Variants in THSD7A observed in about 807,000 individuals in gnomAD.
THSD7A encodes the protein thrombospondin type-1 domain-containing protein 7A.
In THSD7A, 96 loss-of-function variants were observed where a neutral mutation model predicts 231.3. The ratio of observed to expected loss-of-function variants is 0.41; its 90% CI spans 0.35 to 0.49. THSD7A has a LOEUF of 0.49. Ranked by LOEUF, THSD7A falls within the 20% of genes least tolerant of loss-of-function variation. The pLI is 0.05. For missense variants in THSD7A, 2,290 were observed against 2,070.2 expected (o/e 1.11, Z -2.06); for synonymous variants, 940 against 743.3 (o/e 1.26, Z -4.30).
At chr7:11,727,248 T>C (rs1781579855) in intron 1 of THSD7A, among the ~76,000 whole-genome samples, 1 of 151,966 alleles carries the variant, frequency 6.6e-6, no homozygotes, top group African/African-American at 2.4e-5. Flanking sequence ...ATTTTGACTC[T>C]CTTAAACCTC....
Position 11,375,486 on chromosome 7 carries a change from C to A in THSD7A, c.*308G>T. 1 of 214,434 alleles carries A rather than the reference C, an allele frequency of 4.7e-6. No homozygotes were observed. Among genetic ancestry groups the A allele is most frequent in the Non-Finnish European group, 9.2e-6 (1 of 108,452 alleles). 13.3% of individuals were successfully genotyped at this position (214,434 alleles called of 1,614,324 possible). On this transcript the variant is annotated 3_prime_UTR_variant, in exon 28 of 28. Transcript: ENST00000423059. ...CAGGCATCCTAACTGGCCAATTCCACCATTATTTTTTAGAGATGAAAGTGG... is the reference window on the plus strand; with the variant it reads ...CAGGCATCCTAACTGGCCAATTCCAACATTATTTTTTAGAGATGAAAGTGG...
intron 1 of THSD7A, among the ~76,000 whole-genome samples, chr7:11,712,019 C>A (rs939585230): frequency 1.3e-5 from 2 of 151,018 alleles, no homozygotes; most frequent in Non-Finnish European, 3.0e-5. Flanking sequence ...AAACCTTCCT[C>A]CCAGCTAAGA....
At chr7:11,775,603 A>T (rs1322056463) in intron 1 of THSD7A, among the ~76,000 whole-genome samples, 1 of 152,226 alleles carries the variant, frequency 6.6e-6, no homozygotes, top group East Asian at 1.9e-4. Flanking sequence ...TGCTGACTGC[A>T]TGATTTCACT....
intron 9 of THSD7A, among the ~76,000 whole-genome samples, chr7:11,467,804 T>C (rs912711665): frequency 4.6e-5 from 7 of 152,058 alleles, no homozygotes; most frequent in East Asian, 3.9e-4. Flanking sequence ...AAATCACAAA[T>C]GTGTTTTCAA....
chr7:11,709,167 T>G (rs1488547555), intron 1 of THSD7A, among the ~76,000 whole-genome samples: 1 of 150,830 alleles, frequency 6.6e-6, no homozygotes, highest in Non-Finnish European at 1.5e-5. Flanking sequence ...TTTTTCTGAA[T>G]ATTTAGGGTC....
intron 8 of THSD7A, among the ~76,000 whole-genome samples, chr7:11,473,810 C>G (rs1040227498): frequency 3.0e-4 from 45 of 152,080 alleles, no homozygotes; most frequent in African/African-American, 1.1e-3. Flanking sequence ...TATCCCAAGG[C>G]TCTCTCTTGG....
chr7:11,557,885 G>C (rs1789915507), intron 4 of THSD7A, among the ~76,000 whole-genome samples: 1 of 152,122 alleles, frequency 6.6e-6, no homozygotes, highest in African/African-American at 2.4e-5. Flanking sequence ...ACTCATTACA[G>C]TATCACAAGG....
chr7:11,439,748 C>T (rs1784744502), intron 13 of THSD7A, among the ~76,000 whole-genome samples: 1 of 151,980 alleles, frequency 6.6e-6, no homozygotes, highest in Non-Finnish European at 1.5e-5. Flanking sequence ...ACATAAAAAA[C>T]GTTGCAAGCT....
intron 11 of THSD7A, 106 bp downstream of exon 11, chr7:11,460,556 C>G: frequency 1.3e-6 from 1 of 760,208 alleles, no homozygotes; most frequent in Non-Finnish European, 2.1e-6. Context: ...AGATTTATAT[C>G]TGCTTTGCTC....
In THSD7A at chr7:11,683,605, A is replaced by T. The variant is rs561524022; in HGVS notation, c.191-46644T>A. Among the ~76,000 whole-genome samples, 281 of 152,216 alleles carry T rather than the reference A, an allele frequency of 1.8e-3. 1 individual carries two copies. Among genetic ancestry groups the T allele is most frequent in the African/African-American group, 6.5e-3 (271 of 41,586 alleles). Reference sequence around the variant, plus strand: ...TTCTACTATGAACATGTCTATGCATACAAGCTAGAAAATCTAGAAGAAATG... The same window carrying T: ...TTCTACTATGAACATGTCTATGCATTCAAGCTAGAAAATCTAGAAGAAATG... On this transcript the variant is annotated intron_variant, in intron 1 of 27. Coordinates refer to ENST00000423059, the MANE Select transcript of THSD7A (RefSeq NM_015204.3).
At chr7:11,788,238 C>G (rs1783849157) in intron 1 of THSD7A, among the ~76,000 whole-genome samples, 3 of 152,034 alleles carry the variant, frequency 2.0e-5, no homozygotes, top group African/African-American at 7.2e-5. Flanking sequence ...TAGTATCTTC[C>G]TTCCACAGTT....
chr7:11,555,476 T>C (rs948292879), intron 4 of THSD7A, among the ~76,000 whole-genome samples: 1 of 151,956 alleles, frequency 6.6e-6, no homozygotes, highest in Non-Finnish European at 1.5e-5. Flanking sequence ...CTATGTTTTA[T>C]GGATGATGAC....
chr7:11,580,903 A>G lies in THSD7A; in HGVS notation c.1453+9557T>C, dbSNP rs183514174. 1.2e-4 allele frequency among the ~76,000 whole-genome samples: 18 copies of G among 152,324 alleles called. No homozygotes were observed. The East Asian group carries it at 2.9e-3, about 24-fold the overall frequency. The stretch of plus-strand genomic sequence containing the variant: ...CTGAACTTAAAATACAAATTAAAAT[A>G]AAATAAAAACATAAAAAATTATATC... On this transcript the variant is annotated intron_variant, in intron 4 of 27. Coordinates refer to ENST00000423059, the MANE Select transcript of THSD7A (RefSeq NM_015204.3).
intron 6 of THSD7A, among the ~76,000 whole-genome samples, chr7:11,523,484 G>A (rs1024429939): frequency 6.6e-6 from 1 of 152,000 alleles, no homozygotes; most frequent in South Asian, 2.1e-4. Flanking sequence ...GATTATGTGT[G>A]ATTAAAGTTG....
At position 11,411,973 on chromosome 7, in the gene THSD7A, TTATGTG is replaced by T. The variant is rs1213738761; in HGVS notation, c.3683-657_3683-652del. ...AAAAGAAACAAAGCCAATATGACTG[TTATGTG>T]TCATTGTACAGTTTCTTGAGTTTGT... On this transcript the variant is annotated intron_variant, in intron 18 of 27. Coordinates refer to ENST00000423059, the MANE Select transcript of THSD7A (RefSeq NM_015204.3). This position sits in a 1 kb window ranked among gnomAD's most constrained non-coding sequence, Gnocchi z 4.1. 1.3e-5 allele frequency among the ~76,000 whole-genome samples: 2 copies of T among 152,076 alleles called. No homozygotes were observed. The highest frequency in any genetic ancestry group is 2.9e-5 in the Non-Finnish European group (2 of 68,010).
At chr7:11,610,568 T>A (rs1455044401) in intron 2 of THSD7A, among the ~76,000 whole-genome samples, 1 of 152,084 alleles carries the variant, frequency 6.6e-6, no homozygotes, top group Non-Finnish European at 1.5e-5. Flanking sequence ...ATATGTAGAA[T>A]GTAGGATGAA....
chr7:11,779,153 T>C (rs1289651800), intron 1 of THSD7A, among the ~76,000 whole-genome samples: 1 of 152,166 alleles, frequency 6.6e-6, no homozygotes, highest in Non-Finnish European at 1.5e-5. Flanking sequence ...CCTAATGTAA[T>C]GTCATTTTCA....
chr7:11,720,997 T>A (rs1012061865), intron 1 of THSD7A, among the ~76,000 whole-genome samples: 1 of 151,850 alleles, frequency 6.6e-6, no homozygotes, highest in South Asian at 2.1e-4. Flanking sequence ...TTTCATATAA[T>A]CTTGTGCCTT....
intron 1 of THSD7A, among the ~76,000 whole-genome samples, chr7:11,793,490 A>T (rs1339368754): frequency 6.6e-6 from 1 of 151,920 alleles, no homozygotes; most frequent in African/African-American, 2.4e-5. Flanking sequence ...TCATGGGAAG[A>T]AAATGCACTA....
Sources: gnomAD v4.1 joint callset for allele counts (sites outside exome capture counted in the v4.1 genomes callset) on GRCh38, gnomAD v4.1.1 for gene constraint, Gnocchi (gnomAD v3.1) non-coding constraint, MANE v1.5 for transcripts, NCBI Gene and HGNC (gene_info 2026-07-23, HGNC 2026-07-21) for gene names.